Variants in MUC4 observed in about 807,000 individuals in gnomAD.
MUC4 encodes the protein mucin-4.
Under a neutral mutation model 257.9 loss-of-function variants are expected in MUC4, and 202 were observed. That is an observed-to-expected ratio of 0.78 (90% CI 0.70 to 0.88). The LOEUF (loss-of-function observed/expected upper bound fraction) is 0.88. MUC4 is among the 40% of genes least tolerant of loss of function. The pLI is 0.00. For missense variants in MUC4, 5,976 were observed against 6,513.7 expected (o/e 0.92, Z 2.84); for synonymous variants, 2,351 against 2,757.1 (o/e 0.85, Z 4.62).
At chr3:195,767,779 C>T (rs547802951) in intron 7 of MUC4, among the ~76,000 whole-genome samples, 94 of 131,730 alleles carry the variant, frequency 7.1e-4, no homozygotes, top group Non-Finnish European at 1.2e-3. Context: ...CCACCACCAT[C>T]ACCACCATCA....
At position 195,769,082 on chromosome 3, in the gene MUC4, C is replaced by G. The variant is rs753719938; in HGVS notation, c.13469G>C (p.Gly4490Ala). The G allele has an allele frequency of 1.9e-6, 3 of 1,614,022 alleles. No individual in the cohort carries two copies. The highest frequency in any genetic ancestry group is 2.5e-6 in the Non-Finnish European group (3 of 1,180,018). Residue 4490 changes from glycine (G) to alanine (A), a missense_variant, in exon 7 of 25, where the codon GGT becomes GCT. Physicochemically the swap from Gly to Ala is moderately conservative, Grantham distance 60. This residue lies in a region of MUC4 where 996 missense variants were observed against 1,137.3 expected (regional missense o/e 0.88). Coordinates refer to ENST00000463781, the MANE Select transcript of MUC4 (RefSeq NM_018406.7). ...CTGGGCCACGTCCCACTGCATCCCACCGCTCTGGTAGAGAAACAGGGCATA... is the reference window on the plus strand; with the variant it reads ...CTGGGCCACGTCCCACTGCATCCCAGCGCTCTGGTAGAGAAACAGGGCATA... Reference protein sequence around the residue: ...RSYALFLYQSGGMQWDVAQRS... With the variant: ...RSYALFLYQSAGMQWDVAQRS...
At position 195,748,435 on chromosome 3, in the gene MUC4, A is replaced by C. The variant is rs2641724; in HGVS notation, c.16034+467T>G. Among the ~76,000 whole-genome samples, 5 of 152,122 alleles carry C rather than the reference A, an allele frequency of 3.3e-5. No individual in the cohort carries two copies. In the East Asian group the frequency reaches 9.6e-4, roughly 29 times the overall value. On this transcript the variant is annotated intron_variant, in intron 24 of 24. Coordinates refer to ENST00000463781, the MANE Select transcript of MUC4 (RefSeq NM_018406.7). ...AAAAATCAGCTGGGCGTGGTGGTGC[A>C]TGCCTGTAGTCCCAACTACTCGGGA...
Position 195,769,087 on chromosome 3 carries a change from CT to C in MUC4, c.13463del (p.Gln4488ArgfsTer33). The C allele has an allele frequency of 6.2e-7, 1 of 1,614,152 alleles. No homozygotes were observed. The highest frequency in any genetic ancestry group is 1.1e-5 in the South Asian group (1 of 91,068). On this transcript the variant is annotated frameshift_variant, in exon 7 of 25. Transcript: ENST00000463781. LOFTEE classifies it high-confidence loss of function. The part of the protein sequence containing the change: ...GSRSYALFLY[Q>X]SGGMQWDVAQ... ...CCACGTCCCACTGCATCCCACCGCT[CT>C]GGTAGAGAAACAGGGCATAGGACCT...
rs527565911 is a variant in MUC4 at position 195,810,433 on chromosome 3, G to A, written c.82+1303C>T. On this transcript the variant is annotated intron_variant, in intron 1 of 24. Coordinates refer to ENST00000463781, the MANE Select transcript of MUC4 (RefSeq NM_018406.7). This position sits in a 1 kb window ranked among gnomAD's most constrained non-coding sequence, Gnocchi z 4.2. Reference sequence around the variant, plus strand: ...CACCCAGAAACACAGAATAAAACTTGGTCCTGAAGCCAGAGGGACAGCCTG... The same window carrying A: ...CACCCAGAAACACAGAATAAAACTTAGTCCTGAAGCCAGAGGGACAGCCTG... 2 of 152,828 alleles carry A rather than the reference G, an allele frequency of 1.3e-5. No homozygotes were observed. Among genetic ancestry groups the A allele is most frequent in the South Asian group, 4.1e-4 (2 of 4,832 alleles). The allele number at this position is 152,828 out of a possible 1,614,324, so 9.5% of individuals were successfully genotyped here.
At chr3:195,800,583 G>A (rs1054585826) in intron 1 of MUC4, among the ~76,000 whole-genome samples, 1 of 152,180 alleles carries the variant, frequency 6.6e-6, no homozygotes, top group Non-Finnish European at 1.5e-5. Flanking sequence ...AGCCACTCCT[G>A]CAATAGATTG....
At position 195,769,059 on chromosome 3, in the gene MUC4, G is replaced by A; in HGVS notation, c.13492C>T (p.Gln4498Ter). The A allele has an allele frequency of 6.2e-7, 1 of 1,614,022 alleles. No homozygotes were observed. Among genetic ancestry groups the A allele is most frequent in the Non-Finnish European group, 8.5e-7 (1 of 1,179,984 alleles). Residue 4498 changes from glutamine (Q) to a stop codon, truncating the protein, a stop_gained, in exon 7 of 25, where the codon CAG (glutamine) becomes TAG (stop). Transcript: ENST00000463781. LOFTEE classifies it high-confidence loss of function. ...QSGGMQWDVA[Q>*]RSGNPVLMGF... The stretch of plus-strand genomic sequence containing the variant: ...ATGAGCACCGGGTTGCCTGAGCGCT[G>A]GGCCACGTCCCACTGCATCCCACCG...
intron 3 of MUC4, among the ~76,000 whole-genome samples, chr3:195,775,831 CA>C (rs1724480441): frequency 1.2e-5 from 1 of 84,966 alleles, no homozygotes; most frequent in African/African-American, 5.8e-5. Context: ...CTTCCACGGT[CA>C]TACCTTCCAC....
chr3:195,770,767 C>T (rs1272237906), intron 5 of MUC4: 6 of 435,682 alleles, frequency 1.4e-5, no homozygotes, highest in East Asian at 6.8e-5. Flanking sequence ...GGCAGGGGCA[C>T]GGTCCACACT....
In MUC4 at chr3:195,789,187, GT is replaced by G. The variant is rs1398382933; in HGVS notation, c.2392del (p.Thr798ProfsTer62). 1 of 1,613,860 alleles carries G rather than the reference GT, an allele frequency of 6.2e-7. No individual in the cohort carries two copies. The highest frequency in any genetic ancestry group is 1.7e-5 in the Admixed American group (1 of 60,012). ...SEPASSGSRTTSAGTATPSSS... is the reference protein window; with the variant it reads ...SEPASSGSRTXSAGTATPSSS... ...GGAAGGGGTAGCTGTGCCCGCTGAG[GT>G]GGTTCGTGACCCTGAGGAGGCCGGT... On this transcript the variant is annotated frameshift_variant, in exon 2 of 25. Transcript: ENST00000463781. LOFTEE classifies it high-confidence loss of function.
At position 195,765,449 on chromosome 3, in the gene MUC4, C is replaced by T. The variant is rs1438615635; in HGVS notation, c.13619G>A (p.Gly4540Asp). Residue 4540 changes from glycine to aspartate, a missense_variant and splice_region_variant, in exon 9 of 25, where the codon GGC becomes GAC. Coordinates refer to ENST00000463781, the MANE Select transcript of MUC4 (RefSeq NM_018406.7). ...CCTGTAGAACTGCAGCCCTTGGAGG[C>T]CTGAGGTCGGGGATGGGGGGGAAAG... ...RPDRFLNSNS[G>D]LQGLQFYRLH... 3.1e-6 allele frequency: 5 copies of T among 1,610,776 alleles called. No individual in the cohort carries two copies. The highest frequency in any genetic ancestry group is 2.5e-6 in the Non-Finnish European group (3 of 1,178,248).
chr3:195,748,160 G>A (rs1715512264), intron 24 of MUC4, among the ~76,000 whole-genome samples: 1 of 152,420 alleles, frequency 6.6e-6, no homozygotes, highest in African/African-American at 2.4e-5. Context: ...TGAGGGCAGG[G>A]GCAAAGGCGC....
intron 6 of MUC4, 52 bp from the exon 7 acceptor site, chr3:195,769,204 T>TAG (rs1722267774): frequency 6.2e-7 from 1 of 1,602,768 alleles, no homozygotes; most frequent in Non-Finnish European, 8.5e-7. Flanking sequence ...ATCCGGGGTC[T>TAG]CCTCTCTTAT....
At chr3:195,775,178 G>A (rs1458942110) in intron 3 of MUC4, among the ~76,000 whole-genome samples, 2 of 151,974 alleles carry the variant, frequency 1.3e-5, no homozygotes, top group African/African-American at 4.8e-5. Flanking sequence ...CCTGCAAATC[G>A]GACCGCTCCA....
intron 1 of MUC4, among the ~76,000 whole-genome samples, chr3:195,794,088 A>AAATAAAAAT (rs1553888474): frequency 5.2e-4 from 40 of 77,044 alleles, no homozygotes; most frequent in African/African-American, 1.4e-3. Flanking sequence ...TAAAAAATAA[A>AAATAAAAAT]AATAATAATA....
In MUC4 at chr3:195,788,660, CGTT is replaced by C. The variant is rs1560394209; in HGVS notation, c.2917_2919del (p.Asn973del). On this transcript the variant is annotated inframe_deletion, in exon 2 of 25. Coordinates refer to ENST00000463781, the MANE Select transcript of MUC4 (RefSeq NM_018406.7). Reference sequence around the variant, plus strand: ...GCGTAGGTGACAGGAAGAGGGGTGGCGTTGCTGATGAGGGCCGTGGTGAAGGTT... The same window carrying C: ...GCGTAGGTGACAGGAAGAGGGGTGGCGCTGATGAGGGCCGTGGTGAAGGTT... 1 of 1,606,636 alleles carries C rather than the reference CGTT, an allele frequency of 6.2e-7. No individual in the cohort carries two copies. Among genetic ancestry groups the C allele is most frequent in the South Asian group, 1.1e-5 (1 of 90,420 alleles).
In MUC4 at chr3:195,789,774, C is replaced by T. The variant is rs768627367; in HGVS notation, c.1806G>A (p.Leu602=). The T allele has an allele frequency of 1.2e-6, 2 of 1,613,860 alleles. No individual in the cohort carries two copies. Among genetic ancestry groups the T allele is most frequent in the Admixed American group, 3.3e-5 (2 of 59,992 alleles). ...TATSPSSSPM[L]DRHTSQQITT... is the part of the protein sequence containing the mutation. ...TAATTTGTTGGGATGTGTGTCTATCCAGCATAGGTGAAGAAGATGGGGATG... is the reference window on the plus strand; with the variant it reads ...TAATTTGTTGGGATGTGTGTCTATCTAGCATAGGTGAAGAAGATGGGGATG... Residue 602 remains leucine (L), a synonymous_variant, in exon 2 of 25, where the codon CTG becomes CTA. Coordinates refer to ENST00000463781, the MANE Select transcript of MUC4 (RefSeq NM_018406.7).
intron 17 of MUC4, among the ~76,000 whole-genome samples, chr3:195,758,407 ATTTC>A (rs1383499857): frequency 6.6e-6 from 1 of 152,138 alleles, no homozygotes; most frequent in Non-Finnish European, 1.5e-5. Flanking sequence ...TATTTTTCAT[ATTTC>A]TTTAAATCTT....
intron 20 of MUC4, among the ~76,000 whole-genome samples, chr3:195,752,742 A>C (rs955795641): frequency 6.6e-6 from 1 of 152,142 alleles, no homozygotes; most frequent in Non-Finnish European, 1.5e-5. Context: ...AAACCGGGAG[A>C]AGTGGCCCTC....
rs550581832 is a variant in MUC4, at chr3:195,761,130, G to C, written c.14615-13C>G. 2 of 1,609,680 alleles carry C rather than the reference G, an allele frequency of 1.2e-6. No individual in the cohort carries two copies. The highest frequency in any genetic ancestry group is 2.2e-5 in the East Asian group (1 of 44,874). Reference sequence around the variant, plus strand: ...CCGTTGATCTGCCCTGTAACACACAGAGCGCGGTGGTACCAGGCATGGCAC... The same window carrying C: ...CCGTTGATCTGCCCTGTAACACACACAGCGCGGTGGTACCAGGCATGGCAC... On this transcript the variant is annotated splice_polypyrimidine_tract_variant and intron_variant, in intron 15 of 24. Coordinates refer to ENST00000463781, the MANE Select transcript of MUC4 (RefSeq NM_018406.7).
Sources: gnomAD v4.1 joint callset for allele counts (sites outside exome capture counted in the v4.1 genomes callset) on GRCh38, gnomAD v4.1.1 for gene constraint, gnomAD v4.1.1 regional missense constraint, Gnocchi (gnomAD v3.1) non-coding constraint, MANE v1.5 for transcripts, NCBI Gene and HGNC (gene_info 2026-07-23, HGNC 2026-07-21) for gene names.